Variants in MOXD1 observed in about 807,000 individuals in gnomAD.
MOXD1 encodes monooxygenase DBH like 1.
Under a neutral mutation model 66.6 loss-of-function variants are expected in MOXD1, and 62 were observed. That is an observed-to-expected ratio of 0.93 (90% CI 0.76 to 1.15). The LOEUF is 1.15. Among genes scored for constraint, MOXD1 ranks in the 50% most tolerant of loss-of-function variants. The probability of loss-of-function intolerance (pLI) is 0.00; values close to 1 mark genes in which losing one functional copy is unlikely to be tolerated. For synonymous variants in MOXD1, 303 were observed against 281.9 expected (o/e 1.07, Z -0.75); for missense variants, 847 against 754.6 (o/e 1.12, Z -1.44).
chr6:132,386,431 AACAAAAAAAAAAAAC>A (rs1776643213), intron 1 of MOXD1, among the ~76,000 whole-genome samples: 1 of 133,128 alleles, frequency 7.5e-6, no homozygotes, highest in African/African-American at 2.9e-5. Context: ...AACAAAACAA[AACAAAAAAAAAAAAC>A]AAAAAAAAAA....
Position 132,372,652 on chromosome 6 carries a change from T to G in MOXD1, c.619A>C (p.Met207Leu). Reference sequence around the variant, plus strand: ...TCTTGGAACACAGGAATCTTAAACATTTGGCACCAATATGTTGTATCTTTG... The same window carrying G: ...TCTTGGAACACAGGAATCTTAAACAGTTGGCACCAATATGTTGTATCTTTG... ...PNKDTTYWCQ[M>L]FKIPVFQEKH... Residue 207 changes from methionine to leucine, a missense_variant, in exon 4 of 12, where the codon ATG becomes CTG. By Grantham distance (15) the Met-to-Leu change is conservative. Transcript: ENST00000367963. 6.2e-7 allele frequency: 1 copy of G among 1,613,976 alleles called. No individual in the cohort carries two copies. Among genetic ancestry groups the G allele is most frequent in the Non-Finnish European group, 8.5e-7 (1 of 1,179,882 alleles).
At chr6:132,374,980 T>C in intron 1 of MOXD1, 1 of 603,996 alleles carries the variant, frequency 1.7e-6, no homozygotes, top group Non-Finnish European at 2.9e-6. Context: ...CAGGAAAGCA[T>C]AGTGTAGACT....
intron 4 of MOXD1, among the ~76,000 whole-genome samples, chr6:132,364,444 T>C (rs996355268): frequency 1.3e-5 from 2 of 152,160 alleles, no homozygotes; most frequent in African/African-American, 4.8e-5. Flanking sequence ...TTTTCACTTG[T>C]TTTCATTTCA....
At chr6:132,311,080 T>C (rs1410416438) in intron 10 of MOXD1, among the ~76,000 whole-genome samples, 1 of 152,062 alleles carries the variant, frequency 6.6e-6, no homozygotes. Context: ...ATCCTACAAG[T>C]AAAGGAAAAA....
chr6:132,379,106 G>T (rs573661131), intron 1 of MOXD1, among the ~76,000 whole-genome samples: 1 of 151,268 alleles, frequency 6.6e-6, no homozygotes, highest in African/African-American at 2.4e-5. Context: ...GGACCTAGAT[G>T]GGTATTTCCT....
Position 132,315,403 on chromosome 6 carries a change from C to T in MOXD1, c.1508+232G>A, listed in dbSNP as rs192899178. Among the ~76,000 whole-genome samples the T allele has an allele frequency of 8.5e-5, 13 of 152,312 alleles. 1 individual carries two copies. The Middle Eastern group carries it at 0.01, about 120-fold the overall frequency. Reference sequence around the variant, plus strand: ...ATATTCATGTTTTCCATGAATACAACTATTTGCTGAGTACTGTAGGTACTC... The same window carrying T: ...ATATTCATGTTTTCCATGAATACAATTATTTGCTGAGTACTGTAGGTACTC... On this transcript the variant is annotated intron_variant, in intron 10 of 11. Coordinates refer to ENST00000367963, the MANE Select transcript of MOXD1 (RefSeq NM_015529.4).
chr6:132,311,098 A>G (rs1774820052), intron 10 of MOXD1, among the ~76,000 whole-genome samples: 1 of 152,214 alleles, frequency 6.6e-6, no homozygotes, highest in South Asian at 2.1e-4. Flanking sequence ...AAATTCCTCC[A>G]TTCGTCCAGA....
intron 9 of MOXD1, among the ~76,000 whole-genome samples, chr6:132,317,667 T>C (rs1582566865): frequency 6.6e-6 from 1 of 152,118 alleles, no homozygotes; most frequent in Non-Finnish European, 1.5e-5. Context: ...ATACCCACTA[T>C]AATAATAACT....
At chr6:132,298,617 C>T (rs1176713522) in intron 10 of MOXD1, among the ~76,000 whole-genome samples, 1 of 151,986 alleles carries the variant, frequency 6.6e-6, no homozygotes, top group East Asian at 1.9e-4. Context: ...AAAAATTTTA[C>T]TCATTTCTCA....
chr6:132,385,823 C>T (rs897952484), intron 1 of MOXD1, among the ~76,000 whole-genome samples: 1 of 151,978 alleles, frequency 6.6e-6, no homozygotes, highest in African/African-American at 2.4e-5. Flanking sequence ...GGAAAAGAGG[C>T]CGGGCGAGGT....
chr6:132,389,239 A>G (rs1473191750), intron 1 of MOXD1, among the ~76,000 whole-genome samples: 2 of 151,338 alleles, frequency 1.3e-5, no homozygotes, highest in Non-Finnish European at 3.0e-5. Context: ...CTTACTCATT[A>G]AGCTTATCCC....
At chr6:132,392,020 A>AAT in intron 1 of MOXD1, 1 of 658,934 alleles carries the variant, frequency 1.5e-6, no homozygotes, top group Non-Finnish European at 2.5e-6. Flanking sequence ...AAGACTTATA[A>AAT]ATATCTCTTA....
chr6:132,298,625 T>C (rs1253202808), intron 10 of MOXD1, among the ~76,000 whole-genome samples: 1 of 151,986 alleles, frequency 6.6e-6, no homozygotes, highest in Non-Finnish European at 1.5e-5. Context: ...TACTCATTTC[T>C]CAAAAGAAGA....
In MOXD1 at chr6:132,390,976, C is replaced by T. The variant is rs1776748245; in HGVS notation, c.264+10187G>A. On this transcript the variant is annotated intron_variant, in intron 1 of 11. Transcript: ENST00000367963. ...TTTCACTATTTAGGAGGAAAATTAA[C>T]ATATGTTTTTATGTAAGCTACAGTT... The T allele has an allele frequency of 1.3e-5, 2 of 151,452 alleles. 1 individual carries two copies. Among genetic ancestry groups the T allele is most frequent in the Non-Finnish European group, 3.0e-5 (2 of 67,722 alleles). The allele number at this position is 151,452 out of a possible 1,614,324, so 9.4% of individuals were successfully genotyped here.
intron 9 of MOXD1, 130 bp downstream of exon 9, chr6:132,320,499 G>A: frequency 1.5e-6 from 1 of 687,630 alleles, no homozygotes; most frequent in East Asian, 2.9e-5. Flanking sequence ...TCACTTTTAT[G>A]ATACTTGATA....
At chr6:132,311,594 G>T (rs1178746563) in intron 10 of MOXD1, among the ~76,000 whole-genome samples, 1 of 151,732 alleles carries the variant, frequency 6.6e-6, no homozygotes, top group African/African-American at 2.4e-5. Context: ...ATTATTTCTT[G>T]TGCTTAAAAC....
At chr6:132,366,498 G>C (rs1436568420) in intron 4 of MOXD1, among the ~76,000 whole-genome samples, 2 of 148,584 alleles carry the variant, frequency 1.3e-5, no homozygotes, top group Non-Finnish European at 3.0e-5. Flanking sequence ...GTTTCCATCG[G>C]GGGAAAAACT....
In MOXD1 at chr6:132,303,841, A is replaced by ATG. The variant is rs1774621155; in HGVS notation, c.1509-5887_1509-5886insCA. ...TGTGTGTGTGTGTGTGTGTGTATAT[A>ATG]TATATATATATATATATATATATAT... On this transcript the variant is annotated intron_variant, in intron 10 of 11. Transcript: ENST00000367963. 1.5e-4 allele frequency among the ~76,000 whole-genome samples: 7 copies of ATG among 48,022 alleles called. No homozygotes were observed. The East Asian group carries it at 4.7e-3, about 33-fold the overall frequency. The allele number at this position is 48,022 out of a possible 152,430, so 31.5% of individuals were successfully genotyped here. A position where few individuals can be genotyped will look rare whatever the true frequency, so the allele number is the denominator to read the frequency against.
chr6:132,358,830 T>C (rs1775956779), intron 4 of MOXD1, among the ~76,000 whole-genome samples: 1 of 152,220 alleles, frequency 6.6e-6, no homozygotes, highest in Non-Finnish European at 1.5e-5. Flanking sequence ...AGGATGACCT[T>C]AAAGCAGTAT....
Sources: gnomAD v4.1 joint callset for allele counts (sites outside exome capture counted in the v4.1 genomes callset) on GRCh38, gnomAD v4.1.1 for gene constraint, MANE v1.5 for transcripts, NCBI Gene and HGNC (gene_info 2026-07-23, HGNC 2026-07-21) for gene names.